RNF19A: variants seen among roughly 807,000 people sequenced by gnomAD.
RNF19A encodes the protein E3 ubiquitin-protein ligase RNF19A.
In RNF19A, 32 loss-of-function variants were observed where a neutral mutation model predicts 75.7. The observed-to-expected ratio is 0.42, with a 90% CI of 0.32 to 0.57. The LOEUF is 0.57. RNF19A is among the 20% of genes least tolerant of loss of function. RNF19A has a pLI of 0.10. For missense variants in RNF19A, 782 were observed against 1,036.3 expected, an observed-to-expected ratio of 0.75 and a Z score of 3.37; for synonymous variants, 335 against 345.2, an observed-to-expected ratio of 0.97 and a Z score of 0.33.
chr8:100,259,945 A>C lies in RNF19A; in HGVS notation c.1735T>G (p.Ser579Ala). ...ACTGTTCCCAAGCTGACTGTGCCAG[A>C]TTCTCCACTTAGACTGTACCGTTCT... is the stretch of plus-strand genomic sequence containing the variant. ...QKERYSLSGESGTVSLGTVSD... is the reference protein window; with the variant it reads ...QKERYSLSGEAGTVSLGTVSD... Residue 579 changes from serine (S) to alanine (A), a missense_variant, in exon 9 of 10, where the codon TCT becomes GCT. Physicochemically the swap from Ser to Ala is moderately conservative, Grantham distance 99. This residue lies in a region of RNF19A where 442 missense variants were observed against 541.6 expected (regional missense o/e 0.82). Transcript: ENST00000341084. This position sits in a 1 kb window ranked among gnomAD's most constrained non-coding sequence, Gnocchi z 4.5. 6.2e-7 allele frequency: 1 copy of C among 1,613,998 alleles called. No homozygotes were observed. Among genetic ancestry groups the C allele is most frequent in the South Asian group, 1.1e-5 (1 of 91,086 alleles).
At chr8:100,309,264 CTT>C (rs1376661009) in intron 1 of RNF19A, 3 of 969,916 alleles carry the variant, frequency 3.1e-6, no homozygotes, top group Non-Finnish European at 3.7e-6. Context: ...GTAATTTTTG[CTT>C]TTGAAGGAGG....
Position 100,333,293 on chromosome 8 carries a change from C to A in RNF19A, c.-243+2815G>T, listed in dbSNP as rs759955720. Among the ~76,000 whole-genome samples the A allele has an allele frequency of 2.3e-4, 35 of 152,248 alleles. No homozygotes were observed. The highest frequency in any genetic ancestry group is 3.4e-4 in the Non-Finnish European group (23 of 68,040). ...GATCCAGAACAATGAGCCAAATACA[C>A]TTCTATTGTTTAACAATTACCCAGT... is the stretch of plus-strand genomic sequence containing the variant. On this transcript the variant is annotated intron_variant, in intron 1 of 3. Coordinates refer to the RNF19A transcript ENST00000519527. This position sits in a 1 kb window ranked among gnomAD's most constrained non-coding sequence, Gnocchi z 4.7.
At chr8:100,310,131 T>A (rs1822245645), upstream of RNF19A, 1 of 975,546 alleles carries the variant, frequency 1.0e-6, no homozygotes, top group Non-Finnish European at 1.2e-6. Flanking sequence ...CGCTTTCCCC[T>A]CCTCCTCCTC....
At chr8:100,285,283 G>A (rs1217559652) in intron 2 of RNF19A, among the ~76,000 whole-genome samples, 3 of 152,036 alleles carry the variant, frequency 2.0e-5, no homozygotes, top group African/African-American at 7.2e-5. Context: ...CTACACCTCT[G>A]TAATCTGTTT....
At position 100,271,188 on chromosome 8, in the gene RNF19A, A is replaced by G. The variant is rs1344894858; in HGVS notation, c.884-1175T>C. Among the ~76,000 whole-genome samples the G allele has an allele frequency of 2.6e-5, 4 of 151,510 alleles. 1 individual carries two copies. In the South Asian group the frequency reaches 6.2e-4, roughly 24 times the overall value. On this transcript the variant is annotated intron_variant, in intron 3 of 9. Transcript: ENST00000341084. ...TTTTTTTTAACTTAAGATCTGGTCA[A>G]TGCTCACAATTAGTATTTGCTTTAA...
chr8:100,306,426 C>G (rs1822064127), intron 1 of RNF19A, among the ~76,000 whole-genome samples: 1 of 151,922 alleles, frequency 6.6e-6, no homozygotes, highest in African/African-American at 2.4e-5. Context: ...AAATAAAATA[C>G]TAGATAACAT....
upstream of RNF19A, chr8:100,310,107 C>A (rs1330038834): frequency 3.0e-6 from 3 of 985,466 alleles, no homozygotes; most frequent in South Asian, 4.7e-5. Context: ...ACCACCTCCC[C>A]CTCCCGCAGC....
intron 1 of RNF19A, among the ~76,000 whole-genome samples, chr8:100,294,551 C>T (rs1275195797): frequency 1.3e-5 from 2 of 152,062 alleles, no homozygotes; most frequent in African/African-American, 4.8e-5. Context: ...CTCCTTTCTG[C>T]GATTTATCCT....
At position 100,270,021 on chromosome 8, in the gene RNF19A, G is replaced by C. The variant is rs763820433; in HGVS notation, c.884-8C>G. The C allele has an allele frequency of 6.4e-7, 1 of 1,559,052 alleles. No homozygotes were observed. The highest frequency in any genetic ancestry group is 8.7e-7 in the Non-Finnish European group (1 of 1,154,820). On this transcript the variant is annotated splice_polypyrimidine_tract_variant and splice_region_variant and intron_variant, in intron 3 of 9. Coordinates refer to ENST00000341084, the MANE Select transcript of RNF19A (RefSeq NM_183419.4). ...ATGGCTTTATATCATCAGCTATTGG[G>C]AACACAGAGAAATCTATTAAGTACA...
chr8:100,305,828 A>G (rs936121901), intron 1 of RNF19A, among the ~76,000 whole-genome samples: 2 of 152,220 alleles, frequency 1.3e-5, no homozygotes, highest in African/African-American at 4.8e-5. Flanking sequence ...CATTAGAATA[A>G]CTTAATTTAG....
At position 100,269,736 on chromosome 8, in the gene RNF19A, T is replaced by C; in HGVS notation, c.1028+133A>G. On this transcript the variant is annotated intron_variant, in intron 4 of 9. Transcript: ENST00000341084. This position sits in a 1 kb window ranked among gnomAD's most constrained non-coding sequence, Gnocchi z 5.7. ...AAATGACTAGCATAATAACTTGGTT[T>C]CTTTTAAATTTATTTAACTAGAATA... is the stretch of plus-strand genomic sequence containing the variant. 3.4e-6 allele frequency: 2 copies of C among 581,146 alleles called. No individual in the cohort carries two copies. The highest frequency in any genetic ancestry group is 5.6e-6 in the Non-Finnish European group (2 of 359,084). 36.0% of individuals were successfully genotyped at this position (581,146 alleles called of 1,614,324 possible). A position where few individuals can be genotyped will look rare whatever the true frequency, so the allele number is the denominator to read the frequency against.
chr8:100,258,564 C>A lies in RNF19A; in HGVS notation c.2509G>T (p.Glu837Ter). Residue 837 changes from glutamate to a stop codon, truncating the protein, a stop_gained, in exon 10 of 10, where the codon GAA (glutamate) becomes TAA (stop). Coordinates refer to ENST00000341084, the MANE Select transcript of RNF19A (RefSeq NM_183419.4). LOFTEE classifies it high-confidence loss of function. The surrounding 1 kb of genome is among the most constrained non-coding windows in gnomAD (Gnocchi z 4.3). Reference protein sequence around the residue: ...TMELKVAIQTEI With the variant: ...TMELKVAIQT ...CTGCAGCATTTATGGGCCTAAATTTCAGTCTGAATTGCAACTTTTAATTCC... is the reference window on the plus strand; with the variant it reads ...CTGCAGCATTTATGGGCCTAAATTTAAGTCTGAATTGCAACTTTTAATTCC... 1 of 1,606,648 alleles carries A rather than the reference C, an allele frequency of 6.2e-7. No individual in the cohort carries two copies. The highest frequency in any genetic ancestry group is 8.5e-7 in the Non-Finnish European group (1 of 1,175,980).
At chr8:100,328,906 C>G (rs992088632) in intron 1 of RNF19A, among the ~76,000 whole-genome samples, 1 of 152,068 alleles carries the variant, frequency 6.6e-6, no homozygotes, top group South Asian at 2.1e-4. Context: ...GGAATAGGAC[C>G]CCCAGATGAC....
In RNF19A at chr8:100,259,159, ATCAT is replaced by A; in HGVS notation, c.1910_1913del (p.Asp637ValfsTer41). 1 of 1,614,174 alleles carries A rather than the reference ATCAT, an allele frequency of 6.2e-7. No homozygotes were observed. On this transcript the variant is annotated frameshift_variant, in exon 10 of 10. Coordinates refer to ENST00000341084, the MANE Select transcript of RNF19A (RefSeq NM_183419.4). LOFTEE classifies it high-confidence loss of function. The surrounding 1 kb of genome is among the most constrained non-coding windows in gnomAD (Gnocchi z 4.5). ...CAGCATGACTTCGGGTGGCACTGCC[ATCAT>A]CCACACTACTGCTTCCACTGTTGTG... is the stretch of plus-strand genomic sequence containing the variant.
intron 2 of RNF19A, among the ~76,000 whole-genome samples, chr8:100,279,516 A>C (rs1316225572): frequency 1.3e-5 from 2 of 151,826 alleles, no homozygotes; most frequent in East Asian, 3.9e-4. Flanking sequence ...TGAGATTACA[A>C]GCGTGAGCCA....
chr8:100,276,365 ATT>A (rs1178967495), intron 2 of RNF19A, among the ~76,000 whole-genome samples: 1 of 152,196 alleles, frequency 6.6e-6, no homozygotes, highest in Non-Finnish European at 1.5e-5. Context: ...CCATTTATAT[ATT>A]TTTGAAATGT....
rs1330534519 is a variant in RNF19A at position 100,260,758 on chromosome 8, A to G, written c.1683-761T>C. Reference sequence around the variant, plus strand: ...GTGAATTAAAGAGAAACAGGGGAAGATAATTTTTCCTACTTATCTATATGG... The same window carrying G: ...GTGAATTAAAGAGAAACAGGGGAAGGTAATTTTTCCTACTTATCTATATGG... On this transcript the variant is annotated intron_variant, in intron 8 of 9. Transcript: ENST00000341084. This position sits in a 1 kb window ranked among gnomAD's most constrained non-coding sequence, Gnocchi z 4.1. 1.3e-5 allele frequency among the ~76,000 whole-genome samples: 2 copies of G among 152,236 alleles called. No individual in the cohort carries two copies. Among genetic ancestry groups the G allele is most frequent in the East Asian group, 3.8e-4 (2 of 5,198 alleles).
rs114140158 is a variant in RNF19A, at chr8:100,321,460, T to C, written c.-242-8088A>G. On this transcript the variant is annotated intron_variant, in intron 1 of 3. Coordinates refer to the RNF19A transcript ENST00000519527. The stretch of plus-strand genomic sequence containing the variant: ...TCTTAGGCTCCACTTCCAATTCTAG[T>C]TCTCTTGCTATTTCTACCACATCTG... Among the ~76,000 whole-genome samples the C allele has an allele frequency of 5.1e-3, 783 of 152,362 alleles. 5 individuals are homozygous for C. Among genetic ancestry groups the C allele is most frequent in the African/African-American group, 0.018 (748 of 41,588 alleles).
chr8:100,309,917 A>T lies in RNF19A; in HGVS notation c.-144T>A. On this transcript the variant is annotated 5_prime_UTR_variant, in exon 1 of 10. It removes an upstream start codon present in the reference 5' UTR. Transcript: ENST00000341084. The stretch of plus-strand genomic sequence containing the variant: ...CGCAGGGTGGCGGGCGAGTAGGCCC[A>T]TCTCCCAGCAGCGGCGACAGCAGCC... The T allele has an allele frequency of 1.0e-6, 1 of 985,834 alleles. No homozygotes were observed. Among genetic ancestry groups the T allele is most frequent in the Non-Finnish European group, 1.2e-6 (1 of 830,304 alleles). The allele number at this position is 985,834 out of a possible 1,614,324, so 61.1% of individuals were successfully genotyped here.
Sources: gnomAD v4.1 joint callset for allele counts (sites outside exome capture counted in the v4.1 genomes callset) on GRCh38, gnomAD v4.1.1 for gene constraint, gnomAD v4.1.1 regional missense constraint, Gnocchi (gnomAD v3.1) non-coding constraint, MANE v1.5 for transcripts, NCBI Gene and HGNC (gene_info 2026-07-23, HGNC 2026-07-21) for gene names.